Variants in TUSC3 observed in about 807,000 individuals in gnomAD.
TUSC3 encodes tumor suppressor candidate 3.
TUSC3 carries 45 observed loss-of-function variants against 44.8 expected under a neutral mutation model. The ratio of observed to expected loss-of-function variants is 1.00; its 90% CI spans 0.79 to 1.29. TUSC3 has a LOEUF of 1.29. Among genes scored for constraint, TUSC3 ranks in the 50% most tolerant of loss-of-function variants. The pLI, the probability that TUSC3 is intolerant of heterozygous loss-of-function variation, is 0.00. For missense variants in TUSC3, 519 were observed against 437.9 expected (o/e 1.19, Z -1.65); for synonymous variants, 212 against 152.9 (o/e 1.39, Z -2.85).
intron 4 of TUSC3, among the ~76,000 whole-genome samples, chr8:15,660,483 T>G (rs1362413743): frequency 1.3e-5 from 2 of 151,950 alleles, no homozygotes; most frequent in Non-Finnish European, 2.9e-5. Flanking sequence ...ACTTGGAGAT[T>G]TTATGACCAT....
chr8:15,533,956 G>A (rs537777527), intron 2 of TUSC3, among the ~76,000 whole-genome samples: 2 of 152,118 alleles, frequency 1.3e-5, no homozygotes, highest in African/African-American at 4.8e-5. Context: ...TATGGTGATG[G>A]CTGACATTAG....
intron 3 of TUSC3, among the ~76,000 whole-genome samples, chr8:15,655,290 G>A (rs1295642792): frequency 6.6e-6 from 1 of 152,186 alleles, no homozygotes; most frequent in Non-Finnish European, 1.5e-5. Flanking sequence ...TGCGCACCAA[G>A]AGACAAAATG....
chr8:15,582,835 G>C (rs972638058), intron 1 of TUSC3, among the ~76,000 whole-genome samples: 7 of 152,180 alleles, frequency 4.6e-5, no homozygotes, highest in African/African-American at 1.7e-4. Flanking sequence ...TAGAGCCAGT[G>C]ACCTTTCTTT....
intron 1 of TUSC3, among the ~76,000 whole-genome samples, chr8:15,615,824 A>G (rs941285106): frequency 3.9e-5 from 6 of 152,210 alleles, no homozygotes; most frequent in South Asian, 2.1e-4. Flanking sequence ...AGTTAAACCC[A>G]TAAGTACTGA....
At chr8:15,705,133 C>A (rs1326586082) in intron 6 of TUSC3, among the ~76,000 whole-genome samples, 2 of 149,962 alleles carry the variant, frequency 1.3e-5, no homozygotes, top group Non-Finnish European at 3.0e-5. Flanking sequence ...TTTTTTTTCT[C>A]GGACCTTCTT....
At chr8:15,423,969 GTTTTTT>G (rs112397215) in intron 1 of TUSC3, among the ~76,000 whole-genome samples, 803 of 70,392 alleles carry the variant, frequency 0.011, 97 homozygotes, top group African/African-American at 0.026. Flanking sequence ...GTTTTGCTTT[GTTTTTT>G]TTTTTTTTTT....
chr8:15,523,706 G>GTATATATATATA (rs1554509643), intron 2 of TUSC3, among the ~76,000 whole-genome samples: 4 of 112,846 alleles, frequency 3.5e-5, no homozygotes, highest in Admixed American at 8.6e-5. Flanking sequence ...GTGTGTGTGT[G>GTATATATATATA]TGTATATATA....
Position 15,673,732 on chromosome 8 carries a change from C to T in TUSC3, c.709-15C>T. On this transcript the variant is annotated splice_polypyrimidine_tract_variant and intron_variant, in intron 5 of 10. Transcript: ENST00000503731. The stretch of plus-strand genomic sequence containing the variant: ...CTCTGGTTTACATATTGAAACACTG[C>T]ACCCTGTTTTTCAGTGTATAGTCTT... 1 of 1,595,244 alleles carries T rather than the reference C, an allele frequency of 6.3e-7. No homozygotes were observed.
chr8:15,727,152 T>C (rs1810528645), intron 6 of TUSC3, among the ~76,000 whole-genome samples: 1 of 152,158 alleles, frequency 6.6e-6, no homozygotes, highest in African/African-American at 2.4e-5. Context: ...AGTATATGCA[T>C]CTGTTAGATA....
At chr8:15,703,933 C>T (rs919994847) in intron 6 of TUSC3, among the ~76,000 whole-genome samples, 4 of 152,218 alleles carry the variant, frequency 2.6e-5, no homozygotes, top group Middle Eastern at 3.4e-3. Context: ...TCTATGCTGT[C>T]TTAAGCAGTC....
intron 6 of TUSC3, among the ~76,000 whole-genome samples, chr8:15,706,569 C>T (rs529971947): frequency 5.9e-5 from 9 of 152,104 alleles, no homozygotes; most frequent in African/African-American, 2.2e-4. Flanking sequence ...GAAGCTTCCA[C>T]TCTGAAATTC....
At chr8:15,627,752 C>T in intron 2 of TUSC3, among the ~76,000 whole-genome samples, 1 of 152,222 alleles carries the variant, frequency 6.6e-6, no homozygotes, top group East Asian at 1.9e-4. Context: ...GTTCCTGGAG[C>T]TGCACGCCCT....
In TUSC3 at chr8:15,673,802, C is replaced by T; in HGVS notation, c.764C>T (p.Pro255Leu). The T allele has an allele frequency of 6.2e-7, 1 of 1,612,768 alleles. No homozygotes were observed. Among genetic ancestry groups the T allele is most frequent in the Non-Finnish European group, 8.5e-7 (1 of 1,179,106 alleles). The change falls in exon 6 of 11, where the codon CCA becomes CTA. Residue 255 changes from proline (P) to leucine (L), a missense_variant. By Grantham distance (98) the Pro-to-Leu change is moderately conservative. Coordinates refer to ENST00000503731, the MANE Select transcript of TUSC3 (RefSeq NM_006765.4). ...GQMWNHIRGP[P>L]YAHKNPHNGQ... ...ATGTGGAACCATATCCGTGGACCTCCATATGCTCATAAGAACCCACACAAT... is the reference window on the plus strand; with the variant it reads ...ATGTGGAACCATATCCGTGGACCTCTATATGCTCATAAGAACCCACACAAT...
downstream of TUSC3, among the ~76,000 whole-genome samples, chr8:15,770,416 G>C (rs957937208): frequency 5.3e-5 from 8 of 152,138 alleles, no homozygotes; most frequent in Non-Finnish European, 1.2e-4. Flanking sequence ...CAGGGGATCA[G>C]GGGCTGGGGA....
At chr8:15,809,632 AATT>A in the TUSC3 span, among the ~76,000 whole-genome samples, 1 of 152,184 alleles carries the variant, frequency 6.6e-6, no homozygotes, top group Non-Finnish European at 1.5e-5. Context: ...AAAACAGAAT[AATT>A]ATAACAATAT....
At chr8:15,545,373 A>C (rs1483759160) in intron 1 of TUSC3, among the ~76,000 whole-genome samples, 1 of 151,674 alleles carries the variant, frequency 6.6e-6, no homozygotes, top group Non-Finnish European at 1.5e-5. Flanking sequence ...TTAAGAAACC[A>C]AGGTCTTTAA....
chr8:15,609,269 C>T (rs980386017), intron 1 of TUSC3, among the ~76,000 whole-genome samples: 1 of 152,050 alleles, frequency 6.6e-6, no homozygotes, highest in Non-Finnish European at 1.5e-5. Context: ...AAGAGTTACA[C>T]ACAATGACTT....
At chr8:15,848,606 A>G in the TUSC3 span, among the ~76,000 whole-genome samples, 2 of 150,100 alleles carry the variant, frequency 1.3e-5, no homozygotes, top group Non-Finnish European at 3.0e-5. Context: ...AAACTTAAAC[A>G]TTCTTGGCTC....
At chr8:15,817,927 C>T in the TUSC3 span, among the ~76,000 whole-genome samples, 9 of 152,182 alleles carry the variant, frequency 5.9e-5, no homozygotes, top group Admixed American at 5.2e-4. Flanking sequence ...CTTCAATGAT[C>T]CCAGAGTCAG....
Sources: allele counts gnomAD v4.1 joint callset (sites outside exome capture counted in the v4.1 genomes callset), GRCh38; gene constraint gnomAD v4.1.1; transcripts MANE v1.5; gene names NCBI Gene and HGNC (gene_info 2026-07-23, HGNC 2026-07-21).